The following CACNA2D3 variants were observed in gnomAD, a reference collection of about 807,000 sequenced individuals.
CACNA2D3 encodes calcium voltage-gated channel auxiliary subunit alpha2delta 3.
CACNA2D3 carries 60 observed loss-of-function variants against 160.6 expected under a neutral mutation model. That is an observed-to-expected ratio of 0.37 (90% CI 0.30 to 0.46). The LOEUF (loss-of-function observed/expected upper bound fraction) is 0.46, where lower values mean the gene tolerates loss of function less well. CACNA2D3 is among the 20% of genes least tolerant of loss of function. The probability of loss-of-function intolerance (pLI) is 1.00; values close to 1 mark genes in which losing one functional copy is unlikely to be tolerated. For missense variants in CACNA2D3, 1,205 were observed against 1,365.0 expected (o/e 0.88, Z 1.85); for synonymous variants, 558 against 492.9 (o/e 1.13, Z -1.75).
intron 13 of CACNA2D3, among the ~76,000 whole-genome samples, chr3:54,771,010 C>T (rs924288168): frequency 1.2e-4 from 19 of 152,150 alleles, no homozygotes; most frequent in East Asian, 7.7e-4. Flanking sequence ...ATTTTTCTTT[C>T]CTTCTTTCTA....
chr3:54,384,566 G>C (rs1559466859), intron 3 of CACNA2D3, among the ~76,000 whole-genome samples: 1 of 152,184 alleles, frequency 6.6e-6, no homozygotes, highest in African/African-American at 2.4e-5. Flanking sequence ...TAGGAAGAGA[G>C]TGACCCAATG....
intron 27 of CACNA2D3, among the ~76,000 whole-genome samples, chr3:54,924,337 C>T (rs1700946440): frequency 6.6e-6 from 1 of 152,176 alleles, no homozygotes; most frequent in Admixed American, 6.5e-5. Context: ...TGTCCTCCTT[C>T]TTAATAGCAT....
intron 5 of CACNA2D3, among the ~76,000 whole-genome samples, chr3:54,506,239 T>C (rs1701367775): frequency 6.6e-6 from 1 of 152,120 alleles, no homozygotes. Context: ...CCAGCTCAGA[T>C]CTAGTTATTG....
chr3:54,804,794 G>C (rs1199904705), intron 13 of CACNA2D3, among the ~76,000 whole-genome samples: 2 of 152,086 alleles, frequency 1.3e-5, no homozygotes, highest in Non-Finnish European at 2.9e-5. Context: ...TGACCACATA[G>C]TTGGAAGTAA....
chr3:54,609,374 GC>G (rs1698699735), intron 9 of CACNA2D3, among the ~76,000 whole-genome samples: 1 of 152,170 alleles, frequency 6.6e-6, no homozygotes, highest in Non-Finnish European at 1.5e-5. Flanking sequence ...TGTTGTGGCA[GC>G]CCTGGCAAAT....
chr3:54,215,403 A>G (rs1701442635), intron 2 of CACNA2D3, among the ~76,000 whole-genome samples: 1 of 152,226 alleles, frequency 6.6e-6, no homozygotes, highest in South Asian at 2.1e-4. Flanking sequence ...TATTAACTAT[A>G]GCAGCTATTC....
intron 3 of CACNA2D3, among the ~76,000 whole-genome samples, chr3:54,329,680 A>G (rs571033187): frequency 6.6e-6 from 1 of 152,300 alleles, no homozygotes; most frequent in Non-Finnish European, 1.5e-5. Flanking sequence ...TGTGGGTGGG[A>G]GGAAATTATG....
intron 11 of CACNA2D3, among the ~76,000 whole-genome samples, chr3:54,690,878 C>T (rs1259924418): frequency 6.6e-6 from 1 of 152,138 alleles, no homozygotes; most frequent in Non-Finnish European, 1.5e-5. Flanking sequence ...CTGGGAAAGT[C>T]ACCTCTGAGG....
intron 35 of CACNA2D3, among the ~76,000 whole-genome samples, chr3:55,036,023 T>C (rs911134145): frequency 1.3e-5 from 2 of 152,214 alleles, no homozygotes; most frequent in Non-Finnish European, 2.9e-5. Context: ...TTCCACCAGG[T>C]GTTGCCTGAA....
At chr3:55,006,634 G>T (rs1703100736) in intron 32 of CACNA2D3, among the ~76,000 whole-genome samples, 1 of 152,194 alleles carries the variant, frequency 6.6e-6, no homozygotes, top group Non-Finnish European at 1.5e-5. Context: ...GAAGCACTCG[G>T]TTGAACCAGA....
intron 11 of CACNA2D3, among the ~76,000 whole-genome samples, chr3:54,726,510 T>A: frequency 6.6e-6 from 1 of 152,164 alleles, no homozygotes; most frequent in East Asian, 1.9e-4. Flanking sequence ...GACTTCAAAC[T>A]ATACTACAAG....
chr3:54,943,240 T>C (rs1701522777), intron 27 of CACNA2D3, among the ~76,000 whole-genome samples: 1 of 151,954 alleles, frequency 6.6e-6, no homozygotes, highest in Non-Finnish European at 1.5e-5. Flanking sequence ...CAATGTTTTT[T>C]AAAAAAGAAA....
At chr3:54,654,710 C>G (rs7624695) in intron 11 of CACNA2D3, among the ~76,000 whole-genome samples, 7,800 of 152,114 alleles carry the variant, frequency 0.051, 296 homozygotes, top group Middle Eastern at 0.089. Flanking sequence ...GCGAATCAGA[C>G]TTTTTAGGAG....
intron 2 of CACNA2D3, among the ~76,000 whole-genome samples, chr3:54,296,836 T>C (rs1333499840): frequency 6.6e-6 from 1 of 152,198 alleles, no homozygotes; most frequent in African/African-American, 2.4e-5. Context: ...ATGTGTTCCA[T>C]GCGAAGTAAG....
chr3:54,189,247 T>G (rs1293420662), intron 2 of CACNA2D3, among the ~76,000 whole-genome samples: 1 of 152,176 alleles, frequency 6.6e-6, no homozygotes, highest in Non-Finnish European at 1.5e-5. Flanking sequence ...TCATATTTGC[T>G]TGGATAGTCA....
intron 4 of CACNA2D3, among the ~76,000 whole-genome samples, chr3:54,478,352 G>A (rs1700865861): frequency 1.3e-5 from 2 of 152,006 alleles, no homozygotes; most frequent in South Asian, 4.2e-4. Context: ...TAAAACTGCA[G>A]CCAGGCGCAG....
rs558273182 is a variant in CACNA2D3 at position 54,585,662 on chromosome 3, A to C, written c.963+3785A>C. 3.2e-4 allele frequency among the ~76,000 whole-genome samples: 48 copies of C among 152,318 alleles called. 1 individual carries two copies. Among genetic ancestry groups the C allele is most frequent in the African/African-American group, 1.0e-3 (43 of 41,584 alleles). ...CACATCTTACATGGCAGCAGGCAAGAGAGCATGTGCAGAGGAACTGCCCTT... is the reference window on the plus strand; with the variant it reads ...CACATCTTACATGGCAGCAGGCAAGCGAGCATGTGCAGAGGAACTGCCCTT... On this transcript the variant is annotated intron_variant, in intron 9 of 37. Coordinates refer to ENST00000474759, the MANE Select transcript of CACNA2D3 (RefSeq NM_018398.3).
intron 9 of CACNA2D3, among the ~76,000 whole-genome samples, chr3:54,584,048 A>T (rs925090472): frequency 6.6e-6 from 1 of 152,222 alleles, no homozygotes. Flanking sequence ...CCAAATAAGA[A>T]GTTGATCTTT....
intron 5 of CACNA2D3, among the ~76,000 whole-genome samples, chr3:54,562,161 T>C (rs965836057): frequency 6.6e-6 from 1 of 152,062 alleles, no homozygotes; most frequent in African/African-American, 2.4e-5. Context: ...CATCCATCCT[T>C]CCCTCTGTTC....
Sources: allele counts gnomAD v4.1 joint callset (sites outside exome capture counted in the v4.1 genomes callset), GRCh38; gene constraint gnomAD v4.1.1; transcripts MANE v1.5; gene names NCBI Gene and HGNC (gene_info 2026-07-23, HGNC 2026-07-21).